STYX: variants seen among roughly 807,000 people sequenced by gnomAD.
The protein encoded by STYX is serine/threonine/tyrosine-interacting protein.
A neutral mutation model predicts 42.7 loss-of-function variants in STYX; 20 were observed. That is an observed-to-expected ratio of 0.47 (90% confidence interval 0.33 to 0.68). The LOEUF (loss-of-function observed/expected upper bound fraction) is 0.68, where lower values mean the gene tolerates loss of function less well. Ranked by LOEUF, STYX falls within the 30% of genes least tolerant of loss-of-function variation. STYX has a pLI of 0.02. For missense variants in STYX, 226 were observed against 268.5 expected (o/e 0.84, Z 1.11); for synonymous variants, 78 against 81.9 (o/e 0.95, Z 0.26).
At chr14:52,752,812 T>A (rs1387516685) in intron 4 of STYX, among the ~76,000 whole-genome samples, 1 of 151,744 alleles carries the variant, frequency 6.6e-6, no homozygotes, top group South Asian at 2.1e-4. Context: ...AGAAGGAAAA[T>A]TCAGGGCCTG....
chr14:52,745,990 T>C (rs1345076651), intron 2 of STYX, among the ~76,000 whole-genome samples: 1 of 152,220 alleles, frequency 6.6e-6, no homozygotes, highest in African/African-American at 2.4e-5. Context: ...ATATCCAGAC[T>C]GAAAGCTTTC....
intron 4 of STYX, among the ~76,000 whole-genome samples, chr14:52,753,887 C>A (rs2139911058): frequency 2.1e-5 from 3 of 139,542 alleles, no homozygotes; most frequent in Non-Finnish European, 4.6e-5. Context: ...TATCCCAAAA[C>A]ACTGATTTTT....
intron 3 of STYX, among the ~76,000 whole-genome samples, chr14:52,749,351 C>T (rs1881519978): frequency 6.6e-6 from 1 of 152,088 alleles, no homozygotes; most frequent in Non-Finnish European, 1.5e-5. Flanking sequence ...TAGTTCATAA[C>T]ACATATAAAT....
chr14:52,765,935 G>A (rs1438747169), intron 9 of STYX, among the ~76,000 whole-genome samples: 1 of 152,184 alleles, frequency 6.6e-6, no homozygotes, highest in Admixed American at 6.5e-5. Context: ...GGGGTCTGCA[G>A]TCCAGGGGTG....
intron 1 of STYX, among the ~76,000 whole-genome samples, chr14:52,738,532 G>A (rs1179242273): frequency 2.6e-5 from 4 of 152,054 alleles, no homozygotes; most frequent in African/African-American, 7.2e-5. Flanking sequence ...TGAAAATACT[G>A]TTTCTCCCTA....
At chr14:52,747,792 G>A (rs968245429) in intron 3 of STYX, among the ~76,000 whole-genome samples, 3 of 152,176 alleles carry the variant, frequency 2.0e-5, no homozygotes, top group Non-Finnish European at 4.4e-5. Context: ...AGGAGTTCGA[G>A]ACCAGCCTGG....
chr14:52,754,082 G>T (rs1223282789), intron 4 of STYX, among the ~76,000 whole-genome samples: 1 of 151,696 alleles, frequency 6.6e-6, no homozygotes, highest in African/African-American at 2.4e-5. Context: ...TAGAGACGGG[G>T]TTTCACCATG....
intron 4 of STYX, among the ~76,000 whole-genome samples, chr14:52,752,882 GTT>G (rs1382888369): frequency 2.0e-5 from 1 of 50,166 alleles, no homozygotes; most frequent in Non-Finnish European, 4.4e-5. Context: ...TGTTGTTGTT[GTT>G]TTTTTTTTTT....
At chr14:52,743,202 T>TA (rs549026449) in intron 1 of STYX, among the ~76,000 whole-genome samples, 80 of 146,978 alleles carry the variant, frequency 5.4e-4, no homozygotes, top group South Asian at 1.1e-3. Flanking sequence ...TTCTCTTAGT[T>TA]AAAAAAAAAA....
chr14:52,730,196 T>G lies in STYX; in HGVS notation c.-279T>G. 1 of 497,406 alleles carries G rather than the reference T, an allele frequency of 2.0e-6. No homozygotes were observed. Among genetic ancestry groups the G allele is most frequent in the Non-Finnish European group, 3.6e-6 (1 of 278,616 alleles). The allele number at this position is 497,406 out of a possible 1,614,324, so 30.8% of individuals were successfully genotyped here. ...TCGGGCTGGTTCCTGTGCTGGATCC[T>G]GGGCGGCCTGAGGGGTACGGAGACT... On this transcript the variant is annotated 5_prime_UTR_variant, in exon 1 of 11. Coordinates refer to ENST00000354586, the MANE Select transcript of STYX (RefSeq NM_145251.4).
chr14:52,741,943 A>C (rs547316130), intron 1 of STYX, among the ~76,000 whole-genome samples: 204 of 152,120 alleles, frequency 1.3e-3, no homozygotes, highest in Admixed American at 3.2e-3. Flanking sequence ...CCTGTTTTTA[A>C]ATTAGTTTTT....
At chr14:52,742,549 A>G (rs1881232887) in intron 1 of STYX, among the ~76,000 whole-genome samples, 2 of 152,112 alleles carry the variant, frequency 1.3e-5, no homozygotes, top group Admixed American at 1.3e-4. Context: ...TAAAAATCTA[A>G]CTCACTTTTA....
chr14:52,759,656 C>T, intron 8 of STYX, 26 bp from the exon 9 acceptor site: 1 of 1,472,916 alleles, frequency 6.8e-7, no homozygotes, highest in African/African-American at 1.4e-5. Context: ...AATGCTATCA[C>T]ATTAACACTC....
At chr14:52,752,155 G>A (rs1421577098) in intron 4 of STYX, among the ~76,000 whole-genome samples, 4 of 144,376 alleles carry the variant, frequency 2.8e-5, no homozygotes, top group East Asian at 4.1e-4. Context: ...GCAAGACACC[G>A]TCTCAAAAAC....
At chr14:52,734,009 C>G (rs1257172059) in intron 1 of STYX, among the ~76,000 whole-genome samples, 1 of 152,126 alleles carries the variant, frequency 6.6e-6, no homozygotes, top group Admixed American at 6.5e-5. Flanking sequence ...AGGTGGCTTG[C>G]AATTGGTCTG....
At chr14:52,742,838 C>T (rs1418554876) in intron 1 of STYX, among the ~76,000 whole-genome samples, 1 of 150,846 alleles carries the variant, frequency 6.6e-6, no homozygotes, top group African/African-American at 2.4e-5. Context: ...CTGATGTTGC[C>T]TAGGCTGGAG....
intron 1 of STYX, among the ~76,000 whole-genome samples, chr14:52,733,455 AG>A (rs1880815031): frequency 6.6e-6 from 1 of 152,158 alleles, no homozygotes; most frequent in South Asian, 2.1e-4. Context: ...GAAGTTAGTC[AG>A]ATCCCACAGG....
In STYX at chr14:52,730,628, G is replaced by C. The variant is rs891386865; in HGVS notation, c.57+97G>C. The C allele has an allele frequency of 1.8e-5, 25 of 1,404,956 alleles. No individual in the cohort carries two copies. In the African/African-American group the frequency reaches 3.6e-4, roughly 20 times the overall value. 87.0% of individuals were successfully genotyped at this position (1,404,956 alleles called of 1,614,324 possible). ...CAACCGTCTTAGCCGCCACCTGTAC[G>C]GGCGCCCTGCCTCCTAAGGGCGTCC... On this transcript the variant is annotated intron_variant, in intron 1 of 10. Transcript: ENST00000354586.
At chr14:52,760,006 T>C (rs1399940240) in intron 9 of STYX, among the ~76,000 whole-genome samples, 1 of 152,002 alleles carries the variant, frequency 6.6e-6, no homozygotes, top group African/African-American at 2.4e-5. Context: ...GAGATCAGCC[T>C]GAGCAACAAA....
Sources: gnomAD v4.1 joint callset for allele counts (sites outside exome capture counted in the v4.1 genomes callset) on GRCh38, gnomAD v4.1.1 for gene constraint, MANE v1.5 for transcripts, NCBI Gene and HGNC (gene_info 2026-07-23, HGNC 2026-07-21) for gene names.